DIP2B: variants seen among roughly 807,000 people sequenced by gnomAD.
DIP2B encodes the protein disco-interacting protein 2 homolog B.
A neutral mutation model predicts 198.0 loss-of-function variants in DIP2B; 76 were observed. That is an observed-to-expected ratio of 0.38 (90% CI 0.32 to 0.46). The LOEUF is 0.46. DIP2B is among the 20% of genes least tolerant of loss of function. DIP2B has a pLI of 0.99. For missense variants in DIP2B, 1,559 were observed against 1,978.4 expected, an observed-to-expected ratio of 0.79 and a Z score of 4.02; for synonymous variants, 701 against 739.1, an observed-to-expected ratio of 0.95 and a Z score of 0.84.
At chr12:50,664,592 G>T (rs1367193826) in intron 4 of DIP2B, among the ~76,000 whole-genome samples, 1 of 152,020 alleles carries the variant, frequency 6.6e-6, no homozygotes, top group Non-Finnish European at 1.5e-5. Flanking sequence ...AAAGCACAAC[G>T]CAAAAACTAC....
At chr12:50,693,912 G>A (rs1017985452) in intron 14 of DIP2B, among the ~76,000 whole-genome samples, 3 of 152,136 alleles carry the variant, frequency 2.0e-5, no homozygotes, top group Admixed American at 1.3e-4. Context: ...CAATACGAAG[G>A]CTTGGTTATT....
intron 13 of DIP2B, among the ~76,000 whole-genome samples, 187 bp downstream of exon 13, chr12:50,691,338 T>C (rs1254308784): frequency 1.3e-5 from 2 of 152,224 alleles, no homozygotes; most frequent in Admixed American, 6.5e-5. Context: ...ACCAAAATTC[T>C]GGGCAAACCA....
chr12:50,508,096 G>A (rs960297238), intron 1 of DIP2B, among the ~76,000 whole-genome samples: 1 of 152,170 alleles, frequency 6.6e-6, no homozygotes, highest in Non-Finnish European at 1.5e-5. Flanking sequence ...GCTGCAGAGC[G>A]TGTTGCAGAG....
intron 10 of DIP2B, among the ~76,000 whole-genome samples, chr12:50,683,979 G>C (rs1488082302): frequency 1.3e-5 from 2 of 151,964 alleles, no homozygotes; most frequent in Non-Finnish European, 2.9e-5. Flanking sequence ...CATGCGTGGT[G>C]GTGTGCACCT....
chr12:50,553,895 C>A (rs1478474987), intron 1 of DIP2B, among the ~76,000 whole-genome samples: 1 of 152,092 alleles, frequency 6.6e-6, no homozygotes, highest in East Asian at 1.9e-4. Context: ...CTCATTTGAT[C>A]CTTCCACTTT....
At chr12:50,548,034 A>G (rs763797871) in intron 1 of DIP2B, among the ~76,000 whole-genome samples, 16 of 152,132 alleles carry the variant, frequency 1.1e-4, no homozygotes, top group Non-Finnish European at 1.9e-4. Flanking sequence ...GCACTCCTGC[A>G]CTCCAGCCTG....
chr12:50,664,591 C>T (rs555978264), intron 4 of DIP2B, among the ~76,000 whole-genome samples: 13 of 152,248 alleles, frequency 8.5e-5, no homozygotes, highest in South Asian at 2.1e-4. Context: ...AAAAGCACAA[C>T]GCAAAAACTA....
At chr12:50,571,170 CTTT>C (rs71083599) in intron 1 of DIP2B, among the ~76,000 whole-genome samples, 2 of 126,896 alleles carry the variant, frequency 1.6e-5, no homozygotes, top group Non-Finnish European at 1.6e-5. Flanking sequence ...TTGGCAGCCT[CTTT>C]TTTTTTTTTT....
intron 26 of DIP2B, among the ~76,000 whole-genome samples, chr12:50,722,721 GC>G (rs1420620833): frequency 6.6e-6 from 1 of 152,152 alleles, no homozygotes; most frequent in African/African-American, 2.4e-5. Context: ...CGAGGCCTCT[GC>G]CCAGAGTCTT....
chr12:50,531,797 A>C (rs1958219686), intron 1 of DIP2B, among the ~76,000 whole-genome samples: 1 of 152,240 alleles, frequency 6.6e-6, no homozygotes, highest in Non-Finnish European at 1.5e-5. Context: ...TCCTCACTAG[A>C]AAATAAGTTG....
chr12:50,695,165 ATTAC>A (rs1363587615), intron 14 of DIP2B, 98 bp from the exon 15 acceptor site: 1 of 860,646 alleles, frequency 1.2e-6, no homozygotes. Context: ...GTATTTGAGT[ATTAC>A]TTGTATAATT....
At position 50,748,158 on chromosome 12, in the gene DIP2B, A is replaced by G. The variant is rs957610635; in HGVS notation, c.*3319A>G. 1 of 152,662 alleles carries G rather than the reference A, an allele frequency of 6.6e-6. No homozygotes were observed. Among genetic ancestry groups the G allele is most frequent in the African/African-American group, 2.4e-5 (1 of 41,460 alleles). 9.5% of individuals were successfully genotyped at this position (152,662 alleles called of 1,614,324 possible). On this transcript the variant is annotated 3_prime_UTR_variant, in exon 38 of 38. Coordinates refer to ENST00000301180, the MANE Select transcript of DIP2B (RefSeq NM_173602.3). Reference sequence around the variant, plus strand: ...CTCTGCCCCAGGCATGGTGCTCTATATCTTGGCCAAATAAATTACTTTCCT... The same window carrying G: ...CTCTGCCCCAGGCATGGTGCTCTATGTCTTGGCCAAATAAATTACTTTCCT...
At chr12:50,642,706 G>A (rs568563909) in intron 3 of DIP2B, among the ~76,000 whole-genome samples, 2 of 152,218 alleles carry the variant, frequency 1.3e-5, no homozygotes, top group South Asian at 2.1e-4. Context: ...GGAGAATGGC[G>A]TGAACCTGGG....
intron 1 of DIP2B, among the ~76,000 whole-genome samples, chr12:50,545,574 G>A (rs1958370057): frequency 6.6e-6 from 1 of 151,730 alleles, no homozygotes; most frequent in African/African-American, 2.4e-5. Context: ...ATAGTGTCTT[G>A]CCATGTTGGC....
chr12:50,660,178 A>G lies in DIP2B; in HGVS notation c.302-16A>G. 1 of 1,599,818 alleles carries G rather than the reference A, an allele frequency of 6.3e-7. No homozygotes were observed. The highest frequency in any genetic ancestry group is 8.5e-7 in the Non-Finnish European group (1 of 1,172,420). On this transcript the variant is annotated splice_polypyrimidine_tract_variant and intron_variant, in intron 3 of 37. Coordinates refer to ENST00000301180, the MANE Select transcript of DIP2B (RefSeq NM_173602.3). ...AAGAGCCGGAAGCTAATAAATGCAA[A>G]TGTTTGCTTTTTCAGATATCCACAC...
chr12:50,659,698 A>G (rs1938612662), intron 3 of DIP2B, among the ~76,000 whole-genome samples: 1 of 152,208 alleles, frequency 6.6e-6, no homozygotes, highest in Non-Finnish European at 1.5e-5. Flanking sequence ...ATCAAAATAA[A>G]TCCTTCTCTT....
chr12:50,505,117 C>A lies in DIP2B; in HGVS notation c.-24C>A. 6.5e-7 allele frequency: 1 copy of A among 1,529,394 alleles called. No homozygotes were observed. The highest frequency in any genetic ancestry group is 8.8e-7 in the Non-Finnish European group (1 of 1,142,166). The allele number at this position is 1,529,394 out of a possible 1,614,324, so 94.7% of individuals were successfully genotyped here. On this transcript the variant is annotated 5_prime_UTR_variant, in exon 1 of 38. Transcript: ENST00000301180. The stretch of plus-strand genomic sequence containing the variant: ...TCCTTCGGCCCCCTCTCTTGTCTTC[C>A]GGAGTGTGGCTGGCGGAGCTGGGAT...
At chr12:50,605,317 C>T (rs1239887310) in intron 1 of DIP2B, among the ~76,000 whole-genome samples, 2 of 152,176 alleles carry the variant, frequency 1.3e-5, no homozygotes, top group African/African-American at 2.4e-5. Context: ...TAAGGTGGCT[C>T]ATGCCTGTAG....
chr12:50,586,451 C>T (rs1407490169), intron 1 of DIP2B, among the ~76,000 whole-genome samples: 1 of 152,128 alleles, frequency 6.6e-6, no homozygotes, highest in Non-Finnish European at 1.5e-5. Flanking sequence ...CCTATACTCC[C>T]AGTTCCTAGT....
Sources: gnomAD v4.1 joint callset for allele counts (sites outside exome capture counted in the v4.1 genomes callset) on GRCh38, gnomAD v4.1.1 for gene constraint, MANE v1.5 for transcripts, NCBI Gene and HGNC (gene_info 2026-07-23, HGNC 2026-07-21) for gene names.